CRTC3: variants seen among roughly 807,000 people sequenced by gnomAD.
The protein encoded by CRTC3 is CREB-regulated transcription coactivator 3.
A neutral mutation model predicts 74.5 loss-of-function variants in CRTC3; 26 were observed. That is an observed-to-expected ratio of 0.35 (90% confidence interval 0.26 to 0.48). CRTC3 has a LOEUF of 0.48. Ranked by LOEUF, CRTC3 falls within the 20% of genes least tolerant of loss-of-function variation. CRTC3 has a pLI of 0.99. For synonymous variants in CRTC3, 377 were observed against 325.8 expected (o/e 1.16, Z -1.69); for missense variants, 760 against 787.3 (o/e 0.97, Z 0.41).
rs151230038 is a variant in CRTC3, at chr15:90,605,161, G to T, written c.476+714G>T. Reference sequence around the variant, plus strand: ...GAGCTACTCAGGAGGCTGAGGTGGGGAGGATCACCTAAGCCCAAGGAGGTT... The same window carrying T: ...GAGCTACTCAGGAGGCTGAGGTGGGTAGGATCACCTAAGCCCAAGGAGGTT... On this transcript the variant is annotated intron_variant, in intron 5 of 14. Transcript: ENST00000268184. Among the ~76,000 whole-genome samples, 411 of 152,208 alleles carry T rather than the reference G, an allele frequency of 2.7e-3. 1 individual carries two copies. Among genetic ancestry groups the T allele is most frequent in the African/African-American group, 8.4e-3 (348 of 41,534 alleles).
intron 2 of CRTC3, among the ~76,000 whole-genome samples, chr15:90,566,712 CT>C (rs71154114): frequency 0.63 from 79,861 of 126,094 alleles, 25,232 homozygotes; most frequent in Non-Finnish European, 0.73. Flanking sequence ...TTCCTCCTTT[CT>C]TTTTTTTTTT....
intron 1 of CRTC3, among the ~76,000 whole-genome samples, chr15:90,538,773 C>CTTTTTT (rs4031379): frequency 6.9e-6 from 1 of 144,460 alleles, no homozygotes; most frequent in Non-Finnish European, 1.5e-5. Context: ...CAAACTTCAC[C>CTTTTTT]TTTTTTTTTT....
intron 2 of CRTC3, among the ~76,000 whole-genome samples, chr15:90,585,395 A>G (rs1967636015): frequency 2.0e-5 from 3 of 151,970 alleles, no homozygotes; most frequent in African/African-American, 7.3e-5. Flanking sequence ...TCCTCCCACC[A>G]TGAGCTCCCA....
At chr15:90,534,410 A>G (rs1197954637) in intron 1 of CRTC3, among the ~76,000 whole-genome samples, 1 of 152,230 alleles carries the variant, frequency 6.6e-6, no homozygotes, top group Non-Finnish European at 1.5e-5. Context: ...AGGCTGAGCT[A>G]CTGAGAAAAA....
chr15:90,542,700 T>A (rs571053330), intron 2 of CRTC3, among the ~76,000 whole-genome samples: 1 of 152,330 alleles, frequency 6.6e-6, no homozygotes, highest in South Asian at 2.1e-4. Flanking sequence ...AGGATTCAGT[T>A]CAGAATCACA....
chr15:90,563,338 G>A lies in CRTC3; in HGVS notation c.231+23201G>A, dbSNP rs369996015. On this transcript the variant is annotated intron_variant, in intron 2 of 14. Coordinates refer to ENST00000268184, the MANE Select transcript of CRTC3 (RefSeq NM_022769.5). ...GGAGAGTCACTTGAACCGAGGAGGC[G>A]GAAGTTGCAGTGAGTAGAGATCACT... Among the ~76,000 whole-genome samples, 26 of 152,088 alleles carry A rather than the reference G, an allele frequency of 1.7e-4. No individual in the cohort carries two copies. The South Asian group carries it at 4.2e-3, about 24-fold the overall frequency.
intron 11 of CRTC3, among the ~76,000 whole-genome samples, chr15:90,630,130 A>G (rs1488598765): frequency 6.6e-6 from 1 of 152,208 alleles, no homozygotes; most frequent in Non-Finnish European, 1.5e-5. Flanking sequence ...TGGGGTTGAG[A>G]GGAACGGTAG....
intron 2 of CRTC3, among the ~76,000 whole-genome samples, chr15:90,557,871 G>A (rs1259781693): frequency 6.6e-6 from 1 of 152,094 alleles, no homozygotes; most frequent in Non-Finnish European, 1.5e-5. Context: ...GAATCCCATG[G>A]TAACCTGCCT....
intron 2 of CRTC3, among the ~76,000 whole-genome samples, chr15:90,563,758 G>A (rs1353899311): frequency 1.3e-5 from 2 of 152,182 alleles, no homozygotes; most frequent in African/African-American, 4.8e-5. Flanking sequence ...GCTGGTACAG[G>A]AATCAAGTTC....
Position 90,642,332 on chromosome 15 carries a change from C to T in CRTC3, c.*192C>T. ...TCCAGATCACACAGCTTTGTACTGC[C>T]TCTCCCGCCTGTGGCCAAAGTCGTG... is the stretch of plus-strand genomic sequence containing the variant. On this transcript the variant is annotated 3_prime_UTR_variant, in exon 15 of 15. Coordinates refer to ENST00000268184, the MANE Select transcript of CRTC3 (RefSeq NM_022769.5). 1.7e-6 allele frequency: 1 copy of T among 589,586 alleles called. No homozygotes were observed. 36.5% of individuals were successfully genotyped at this position (589,586 alleles called of 1,614,324 possible). A position where few individuals can be genotyped will look rare whatever the true frequency, so the allele number is the denominator to read the frequency against.
chr15:90,544,624 T>C (rs1966841229), intron 2 of CRTC3, among the ~76,000 whole-genome samples: 1 of 152,246 alleles, frequency 6.6e-6, no homozygotes, highest in Non-Finnish European at 1.5e-5. Flanking sequence ...ACATACAGTT[T>C]TTATGTAAGT....
chr15:90,618,390 G>A lies in CRTC3; in HGVS notation c.699+422G>A, dbSNP rs1448998077. Among the ~76,000 whole-genome samples, 4 of 152,114 alleles carry A rather than the reference G, an allele frequency of 2.6e-5. 1 individual carries two copies. The East Asian group carries it at 5.8e-4, about 22-fold the overall frequency. On this transcript the variant is annotated intron_variant, in intron 8 of 14. Transcript: ENST00000268184. ...AGCTCTTTTTAACTCAAGGGCATTT[G>A]ACCTGAGTCCTCCAAGAGTCAGTAG...
chr15:90,620,258 C>T (rs1272618569), intron 9 of CRTC3: 1 of 153,892 alleles, frequency 6.5e-6, no homozygotes, highest in Non-Finnish European at 1.4e-5. Context: ...GAACTGTACA[C>T]ACAGAAATGG....
intron 1 of CRTC3, among the ~76,000 whole-genome samples, chr15:90,535,625 T>C (rs1966706996): frequency 6.6e-6 from 1 of 151,558 alleles, no homozygotes. Flanking sequence ...TGGACTTGAA[T>C]ATTTGCGCAG....
At chr15:90,610,232 T>C (rs1439834605) in intron 6 of CRTC3, among the ~76,000 whole-genome samples, 2 of 152,244 alleles carry the variant, frequency 1.3e-5, no homozygotes, top group African/African-American at 4.8e-5. Context: ...GTATTTCTTA[T>C]AGGACCAACC....
rs746671617 is a variant in CRTC3, at chr15:90,604,369, G to T, written c.414-16G>T. 6.2e-7 allele frequency: 1 copy of T among 1,610,782 alleles called. No individual in the cohort carries two copies. Among genetic ancestry groups the T allele is most frequent in the Non-Finnish European group, 8.5e-7 (1 of 1,177,032 alleles). ...GATTGACTTCTTTTCCTTTTATGTT[G>T]TTCTGGTTTTTAAAGGCAGCAGCCT... is the stretch of plus-strand genomic sequence containing the variant. On this transcript the variant is annotated splice_polypyrimidine_tract_variant and intron_variant, in intron 4 of 14. Coordinates refer to ENST00000268184, the MANE Select transcript of CRTC3 (RefSeq NM_022769.5).
At chr15:90,638,384 C>G (rs11635150) in intron 11 of CRTC3, 62 bp from the exon 12 acceptor site, 1 of 1,431,094 alleles carries the variant, frequency 7.0e-7, no homozygotes, top group Non-Finnish European at 9.8e-7. Flanking sequence ...TTTCCTAATC[C>G]TAAAGGACTT....
At chr15:90,560,239 T>C (rs1966982585) in intron 2 of CRTC3, among the ~76,000 whole-genome samples, 1 of 152,234 alleles carries the variant, frequency 6.6e-6, no homozygotes, top group Admixed American at 6.5e-5. Flanking sequence ...CTCTGTGGGA[T>C]GTCCATTCAG....
intron 11 of CRTC3, chr15:90,637,796 C>T (rs1170227819): frequency 6.6e-6 from 1 of 152,352 alleles, no homozygotes; most frequent in African/African-American, 2.4e-5. Flanking sequence ...CCGCCTGCTC[C>T]CTGCTGTCCC....
Sources: allele counts gnomAD v4.1 joint callset (sites outside exome capture counted in the v4.1 genomes callset), GRCh38; gene constraint gnomAD v4.1.1; transcripts MANE v1.5; gene names NCBI Gene and HGNC (gene_info 2026-07-23, HGNC 2026-07-21).